GOLGA2: variants seen among roughly 807,000 people sequenced by gnomAD.
GOLGA2 encodes the protein golgin A2.
GOLGA2 carries 49 observed loss-of-function variants against 148.8 expected under a neutral mutation model. That is an observed-to-expected ratio of 0.33 (90% CI 0.26 to 0.42). GOLGA2 has a LOEUF of 0.42. Among genes scored for constraint, GOLGA2 ranks in the 10% least tolerant of loss-of-function variants. The pLI is 1.00. For synonymous variants in GOLGA2, 501 were observed against 511.8 expected (o/e 0.98, Z 0.28); for missense variants, 1,178 against 1,304.6 (o/e 0.90, Z 1.49).
intron 12 of GOLGA2, among the ~76,000 whole-genome samples, chr9:128,263,797 C>T (rs1017426796): frequency 6.6e-6 from 1 of 151,910 alleles, no homozygotes; most frequent in African/African-American, 2.4e-5. Context: ...AAGTGATCCG[C>T]CCGCCTCAAC....
At chr9:128,270,165 A>C (rs1830850053) in intron 3 of GOLGA2, among the ~76,000 whole-genome samples, 2 of 124,142 alleles carry the variant, frequency 1.6e-5, no homozygotes, top group South Asian at 2.4e-4. Context: ...TGGGAGTCTC[A>C]CTCTGTCGCC....
intron 3 of GOLGA2, among the ~76,000 whole-genome samples, chr9:128,270,902 G>T (rs1478258963): frequency 6.6e-6 from 1 of 151,972 alleles, no homozygotes; most frequent in Non-Finnish European, 1.5e-5. Flanking sequence ...AAAAAAAATG[G>T]CCGGGCGTGA....
rs765006002 is a variant in GOLGA2 at position 128,259,060 on chromosome 9, T to G, written c.2120A>C (p.Gln707Pro). 6 of 1,611,930 alleles carry G rather than the reference T, an allele frequency of 3.7e-6. No individual in the cohort carries two copies. In the African/African-American group the frequency reaches 4.0e-5, roughly 11 times the overall value. ...CTGGGCCCGTAGCTGCTGATTCTGC[T>G]GGGTGGCAGCTTCCAGGCGCTCCTA... ...ETQERLEAAT[Q>P]QNQQLRAQLS... The change falls in exon 21 of 27, where the codon CAG (glutamine) becomes CCG (proline). Residue 707 changes from glutamine (Q) to proline (P), a missense_variant. Transcript: ENST00000611957.
intron 1 of GOLGA2, 97 bp from the exon 2 acceptor site, chr9:128,274,069 T>G (rs1421303675): frequency 8.8e-7 from 1 of 1,140,906 alleles, no homozygotes; most frequent in African/African-American, 1.5e-5. Context: ...ATATACCATC[T>G]GATTTAATGC....
chr9:128,259,499 T>C, intron 19 of GOLGA2, 108 bp from the exon 20 acceptor site: 1 of 684,966 alleles, frequency 1.5e-6, no homozygotes, highest in Non-Finnish European at 2.5e-6. Context: ...TCTGGCCCCT[T>C]GCTCCAGGCC....
chr9:128,257,896 G>A lies in GOLGA2; in HGVS notation c.2509-4C>T. On this transcript the variant is annotated splice_region_variant and splice_polypyrimidine_tract_variant and intron_variant, in intron 23 of 26. Coordinates refer to ENST00000611957, the MANE Select transcript of GOLGA2 (RefSeq NM_001366244.2). The surrounding 1 kb of genome is among the most constrained non-coding windows in gnomAD (Gnocchi z 8.0). Reference sequence around the variant, plus strand: ...GCATGAGCTCCATAAAGCGGCTCTGGAACCAAAATAATGGAGTCATATATC... The same window carrying A: ...GCATGAGCTCCATAAAGCGGCTCTGAAACCAAAATAATGGAGTCATATATC... 6.2e-7 allele frequency: 1 copy of A among 1,613,718 alleles called. No individual in the cohort carries two copies. The highest frequency in any genetic ancestry group is 1.1e-5 in the South Asian group (1 of 91,068).
In GOLGA2 at chr9:128,266,379, C is replaced by A; in HGVS notation, c.643-54G>T. 1.3e-6 allele frequency: 2 copies of A among 1,512,962 alleles called. No homozygotes were observed. The highest frequency in any genetic ancestry group is 1.1e-5 in the South Asian group (1 of 88,970). 93.7% of individuals were successfully genotyped at this position (1,512,962 alleles called of 1,614,324 possible). ...TGAGGGTGGCCCCCTCAACTCTATT[C>A]CCCAGACCAGGAACGGGTAGGCAGG... On this transcript the variant is annotated intron_variant, in intron 8 of 26. Coordinates refer to ENST00000611957, the MANE Select transcript of GOLGA2 (RefSeq NM_001366244.2). This position sits in a 1 kb window ranked among gnomAD's most constrained non-coding sequence, Gnocchi z 4.2.
rs758022021 is a variant in GOLGA2, at chr9:128,258,036, C to T, written c.2452G>A (p.Asp818Asn). The T allele has an allele frequency of 6.2e-7, 1 of 1,611,652 alleles. No homozygotes were observed. Among genetic ancestry groups the T allele is most frequent in the Non-Finnish European group, 8.5e-7 (1 of 1,179,348 alleles). Residue 818 changes from aspartate to asparagine, a missense_variant, in exon 23 of 27, where the codon GAT becomes AAT. Coordinates refer to ENST00000611957, the MANE Select transcript of GOLGA2 (RefSeq NM_001366244.2). This position sits in a 1 kb window ranked among gnomAD's most constrained non-coding sequence, Gnocchi z 6.6. ...AAAPAPGTGG[D>N]SVCGETHRAL... ...CGGTGGGTCTCCCCACACACAGAATCACCCCCGGTCCCTGGGGCTGGGGCT... is the reference window on the plus strand; with the variant it reads ...CGGTGGGTCTCCCCACACACAGAATTACCCCCGGTCCCTGGGGCTGGGGCT...
Position 128,260,408 on chromosome 9 carries a change from A to G in GOLGA2, c.1758+57T>C. 3 of 1,439,078 alleles carry G rather than the reference A, an allele frequency of 2.1e-6. No individual in the cohort carries two copies. Among genetic ancestry groups the G allele is most frequent in the Admixed American group, 1.7e-5 (1 of 58,084 alleles). The allele number at this position is 1,439,078 out of a possible 1,614,324, so 89.1% of individuals were successfully genotyped here. On this transcript the variant is annotated intron_variant, in intron 18 of 26. Coordinates refer to ENST00000611957, the MANE Select transcript of GOLGA2 (RefSeq NM_001366244.2). The surrounding 1 kb of genome is among the most constrained non-coding windows in gnomAD (Gnocchi z 4.8). ...ACACTGCCCCACTTTACAGGTGGGA[A>G]AACAAAGGTCTGGAGGGCTAGGGAG...
rs1467927307 is a variant in GOLGA2, at chr9:128,260,141, C to A, written c.1807G>T (p.Val603Phe). ...ITSALQSEQH[V>F]KRELGKKLGE... ...AGCTTCTTTCCCAGCTCCCTCTTGA[C>A]GTGCTGCTCCGACTGCAGTGCGCTG... The change falls in exon 19 of 27, where the codon GTC (valine) becomes TTC (phenylalanine). Residue 603 changes from valine to phenylalanine, a missense_variant. This residue lies in a region of GOLGA2 where 529 missense variants were observed against 521.8 expected (regional missense o/e 1.01). Coordinates refer to ENST00000611957, the MANE Select transcript of GOLGA2 (RefSeq NM_001366244.2). The surrounding 1 kb of genome is among the most constrained non-coding windows in gnomAD (Gnocchi z 4.8). The A allele has an allele frequency of 6.2e-7, 1 of 1,610,662 alleles. No homozygotes were observed. Among genetic ancestry groups the A allele is most frequent in the African/African-American group, 1.3e-5 (1 of 74,916 alleles).
chr9:128,275,879 C>CCGGTGCACTTTA lies in GOLGA2; in HGVS notation c.84+2_84+13dup. On this transcript the variant is annotated intron_variant, in intron 1 of 26. Coordinates refer to ENST00000611957, the MANE Select transcript of GOLGA2 (RefSeq NM_001366244.2). ...TGGGGCTGGGTCGGGGGGCCGCGAC[C>CCGGTGCACTTTA]CGGTGCACTTTACCTTTTTCTTCGC... is the stretch of plus-strand genomic sequence containing the variant. 1 of 1,478,428 alleles carries CCGGTGCACTTTA rather than the reference C, an allele frequency of 6.8e-7. No homozygotes were observed. The highest frequency in any genetic ancestry group is 1.2e-5 in the South Asian group (1 of 83,354). 91.6% of individuals were successfully genotyped at this position (1,478,428 alleles called of 1,614,324 possible). A position where few individuals can be genotyped will look rare whatever the true frequency, so the allele number is the denominator to read the frequency against.
intron 14 of GOLGA2, among the ~76,000 whole-genome samples, chr9:128,262,325 A>C (rs952628578): frequency 1.0e-4 from 6 of 59,514 alleles, no homozygotes; most frequent in African/African-American, 2.7e-4. Flanking sequence ...TGATGCTTTA[A>C]AACAAAACAA....
chr9:128,275,637 A>G lies in GOLGA2; in HGVS notation c.84+256T>C, dbSNP rs1049227279. On this transcript the variant is annotated intron_variant, in intron 1 of 26. Coordinates refer to ENST00000611957, the MANE Select transcript of GOLGA2 (RefSeq NM_001366244.2). ...CCAGGGAGGTCGGACTTCGGGGGGC[A>G]GGAGGTGAGGGCCGAGTCTGGAGCG... 94 of 686,686 alleles carry G rather than the reference A, an allele frequency of 1.4e-4. No homozygotes were observed. In the African/African-American group the frequency reaches 1.7e-3, roughly 12 times the overall value. 42.5% of individuals were successfully genotyped at this position (686,686 alleles called of 1,614,324 possible). A position where few individuals can be genotyped will look rare whatever the true frequency, so the allele number is the denominator to read the frequency against.
In GOLGA2 at chr9:128,258,371, G is replaced by T. The variant is rs932947680; in HGVS notation, c.2289+84C>A. ...GGGTGAGGGTCCGAAGAAATCAGAA[G>T]GCCGGGAAACCAAGAGCAGAAGGGG... On this transcript the variant is annotated intron_variant, in intron 22 of 26. Transcript: ENST00000611957. This position sits in a 1 kb window ranked among gnomAD's most constrained non-coding sequence, Gnocchi z 6.6. 1.5e-6 allele frequency: 2 copies of T among 1,329,620 alleles called. No individual in the cohort carries two copies. The highest frequency in any genetic ancestry group is 1.5e-5 in the African/African-American group (1 of 68,786). 82.4% of individuals were successfully genotyped at this position (1,329,620 alleles called of 1,614,324 possible). A position where few individuals can be genotyped will look rare whatever the true frequency, so the allele number is the denominator to read the frequency against.
chr9:128,259,003 G>A lies in GOLGA2; in HGVS notation c.2173+4C>T, dbSNP rs369382074. ...CTCCTCTTCCTGTGAGCAGGTTCCC[G>A]TACCTTCCCCAGGGTGAGCCATGAG... On this transcript the variant is annotated splice_donor_region_variant and intron_variant, in intron 21 of 26. Transcript: ENST00000611957. 3.7e-5 allele frequency: 58 copies of A among 1,578,038 alleles called. No individual in the cohort carries two copies. The highest frequency in any genetic ancestry group is 8.1e-5 in the African/African-American group (6 of 74,348).
In GOLGA2 at chr9:128,261,290, G is replaced by T; in HGVS notation, c.1333-31C>A. ...CAAAGCACAGCAAGAAAGGGCCCTG[G>T]AGAGGGGCTGGTGGCTGGACAGGCT... On this transcript the variant is annotated intron_variant, in intron 16 of 26. Coordinates refer to ENST00000611957, the MANE Select transcript of GOLGA2 (RefSeq NM_001366244.2). This position sits in a 1 kb window ranked among gnomAD's most constrained non-coding sequence, Gnocchi z 5.7. 1 of 1,555,350 alleles carries T rather than the reference G, an allele frequency of 6.4e-7. No homozygotes were observed. Among genetic ancestry groups the T allele is most frequent in the Non-Finnish European group, 8.9e-7 (1 of 1,127,074 alleles).
chr9:128,262,548 G>A lies in GOLGA2; in HGVS notation c.1134+15C>T. 1 of 1,612,210 alleles carries A rather than the reference G, an allele frequency of 6.2e-7. No homozygotes were observed. Among genetic ancestry groups the A allele is most frequent in the Non-Finnish European group, 8.5e-7 (1 of 1,178,742 alleles). On this transcript the variant is annotated intron_variant, in intron 14 of 26. Coordinates refer to ENST00000611957, the MANE Select transcript of GOLGA2 (RefSeq NM_001366244.2). ...GGATGGCGCTCCCACCACCCATGGG[G>A]CTGCAGCCTCTTGCCTGTTGAAGCA...
chr9:128,263,698 G>A (rs1830415777), intron 12 of GOLGA2, among the ~76,000 whole-genome samples: 1 of 151,810 alleles, frequency 6.6e-6, no homozygotes, highest in East Asian at 1.9e-4. Context: ...GATTACAGGC[G>A]TGAGCCACCA....
rs1829844317 is a variant in GOLGA2 at position 128,256,124 on chromosome 9, A to G, written c.*943T>C. The G allele has an allele frequency of 6.5e-6, 1 of 152,740 alleles. No individual in the cohort carries two copies. The allele number at this position is 152,740 out of a possible 1,614,324, so 9.5% of individuals were successfully genotyped here. The stretch of plus-strand genomic sequence containing the variant: ...CCGTGCCCTCGCCTGGTCTACAGTT[A>G]GCCCCACTGTCCTGCCTCAGCTGCC... On this transcript the variant is annotated 3_prime_UTR_variant, in exon 27 of 27. Transcript: ENST00000611957.
Sources: allele counts gnomAD v4.1 joint callset (sites outside exome capture counted in the v4.1 genomes callset), GRCh38; gene constraint gnomAD v4.1.1; regional missense constraint gnomAD v4.1.1; non-coding constraint Gnocchi (gnomAD v3.1); transcripts MANE v1.5; gene names NCBI Gene and HGNC (gene_info 2026-07-23, HGNC 2026-07-21).